The following DNAJC1 variants were observed in gnomAD, a reference collection of about 807,000 sequenced individuals.
The protein encoded by DNAJC1 is dnaJ homolog subfamily C member 1.
A neutral mutation model predicts 76.6 loss-of-function variants in DNAJC1; 58 were observed. That is an observed-to-expected ratio of 0.76 (90% CI 0.61 to 0.94). The LOEUF (loss-of-function observed/expected upper bound fraction) is 0.94, where lower values mean the gene tolerates loss of function less well. Ranked by LOEUF, DNAJC1 falls within the 40% of genes least tolerant of loss-of-function variation. DNAJC1 has a pLI of 0.00. For missense variants in DNAJC1, 689 were observed against 677.3 expected, an observed-to-expected ratio of 1.02 and a Z score of -0.19; for synonymous variants, 258 against 267.9, an observed-to-expected ratio of 0.96 and a Z score of 0.36.
At chr10:21,777,083 G>A (rs1834461845) in intron 9 of DNAJC1, among the ~76,000 whole-genome samples, 1 of 152,140 alleles carries the variant, frequency 6.6e-6, no homozygotes, top group Admixed American at 6.5e-5. Context: ...ATGCTTACTA[G>A]GCAGTATGAT....
At chr10:21,807,841 C>T (rs955039032) in intron 8 of DNAJC1, among the ~76,000 whole-genome samples, 3 of 152,152 alleles carry the variant, frequency 2.0e-5, no homozygotes, top group Admixed American at 2.0e-4. Flanking sequence ...AAATCCAATT[C>T]TTCATATCAG....
At position 21,782,040 on chromosome 10, in the gene DNAJC1, G is replaced by A. The variant is rs186778075; in HGVS notation, c.1099-15731C>T. Among the ~76,000 whole-genome samples the A allele has an allele frequency of 7.6e-4, 116 of 152,178 alleles. 2 individuals carry two copies. In the East Asian group the frequency reaches 0.022, roughly 29 times the overall value. On this transcript the variant is annotated intron_variant, in intron 9 of 11. Coordinates refer to ENST00000376980, the MANE Select transcript of DNAJC1 (RefSeq NM_022365.4). Reference sequence around the variant, plus strand: ...CTAGCAGAAGGCAAGAAATAACTAAGATCAGAGCAGAACTGAAGGAGATAG... The same window carrying A: ...CTAGCAGAAGGCAAGAAATAACTAAAATCAGAGCAGAACTGAAGGAGATAG...
chr10:21,995,693 C>T (rs1838404795), intron 1 of DNAJC1, among the ~76,000 whole-genome samples: 1 of 152,214 alleles, frequency 6.6e-6, no homozygotes, highest in South Asian at 2.1e-4. Context: ...GTTTTATACA[C>T]ATATTCTAAC....
intron 6 of DNAJC1, among the ~76,000 whole-genome samples, chr10:21,913,008 T>C (rs1038647595): frequency 6.8e-6 from 1 of 147,620 alleles, no homozygotes; most frequent in Non-Finnish European, 1.5e-5. Context: ...TTTTTTTAGG[T>C]AAAAGCCAGA....
chr10:21,955,202 G>A (rs1055557441), intron 1 of DNAJC1, among the ~76,000 whole-genome samples: 5 of 152,126 alleles, frequency 3.3e-5, no homozygotes, highest in African/African-American at 1.2e-4. Flanking sequence ...TAACATTGCA[G>A]GAACAAATGA....
intron 8 of DNAJC1, among the ~76,000 whole-genome samples, chr10:21,817,331 A>C (rs1835092846): frequency 1.3e-5 from 2 of 152,064 alleles, no homozygotes; most frequent in Admixed American, 1.3e-4. Context: ...ATTACACATA[A>C]ATGTTTACAT....
In DNAJC1 at chr10:22,003,687, A is replaced by C; in HGVS notation, c.-253T>G. The C allele has an allele frequency of 2.6e-6, 1 of 387,256 alleles. No homozygotes were observed. Among genetic ancestry groups the C allele is most frequent in the Non-Finnish European group, 4.5e-6 (1 of 223,566 alleles). The allele number at this position is 387,256 out of a possible 1,614,324, so 24.0% of individuals were successfully genotyped here. A position where few individuals can be genotyped will look rare whatever the true frequency, so the allele number is the denominator to read the frequency against. On this transcript the variant is annotated 5_prime_UTR_variant, in exon 1 of 12. Transcript: ENST00000376980. Reference sequence around the variant, plus strand: ...TCCGAAGACCCTCGCCCCCAGGCCTACACACAGCTGTAGAGGCAGCGCCCG... The same window carrying C: ...TCCGAAGACCCTCGCCCCCAGGCCTCCACACAGCTGTAGAGGCAGCGCCCG...
At chr10:21,966,012 G>A (rs1399546350) in intron 1 of DNAJC1, among the ~76,000 whole-genome samples, 1 of 152,138 alleles carries the variant, frequency 6.6e-6, no homozygotes, top group African/African-American at 2.4e-5. Flanking sequence ...TCCAATTTGT[G>A]ACAGTTCTTC....
intron 1 of DNAJC1, among the ~76,000 whole-genome samples, chr10:21,955,743 G>A (rs1837668936): frequency 6.6e-6 from 1 of 151,892 alleles, no homozygotes; most frequent in Non-Finnish European, 1.5e-5. Context: ...CCAAATTTTA[G>A]GAAAAGCATT....
chr10:21,967,322 C>G (rs1282645964), intron 1 of DNAJC1, among the ~76,000 whole-genome samples: 1 of 152,080 alleles, frequency 6.6e-6, no homozygotes, highest in Non-Finnish European at 1.5e-5. Flanking sequence ...TTTCATTTAG[C>G]ACAATGTTTT....
intron 1 of DNAJC1, 29 bp from the exon 2 acceptor site, chr10:21,929,170 C>T: frequency 6.7e-7 from 1 of 1,496,578 alleles, no homozygotes; most frequent in South Asian, 1.2e-5. Flanking sequence ...GGGGAAAATA[C>T]AAAGCAAACT....
At chr10:21,929,826 T>C (rs1312414289) in intron 1 of DNAJC1, among the ~76,000 whole-genome samples, 1 of 152,218 alleles carries the variant, frequency 6.6e-6, no homozygotes, top group African/African-American at 2.4e-5. Context: ...TTTAAATATA[T>C]TTAAAAGGTT....
intron 1 of DNAJC1, among the ~76,000 whole-genome samples, chr10:21,963,145 A>G (rs989403556): frequency 3.3e-5 from 5 of 152,212 alleles, no homozygotes; most frequent in African/African-American, 1.2e-4. Flanking sequence ...GTAAAAGTCA[A>G]TTTAATCAAA....
At chr10:21,916,413 C>T (rs1405007605) in intron 6 of DNAJC1, among the ~76,000 whole-genome samples, 1 of 152,026 alleles carries the variant, frequency 6.6e-6, no homozygotes. Context: ...GGCGTGAACC[C>T]GGGAGGCGGA....
At chr10:21,987,695 T>G (rs1838268820) in intron 1 of DNAJC1, among the ~76,000 whole-genome samples, 1 of 152,218 alleles carries the variant, frequency 6.6e-6, no homozygotes, top group African/African-American at 2.4e-5. Flanking sequence ...TCCATATGAT[T>G]TATCTCATAA....
Position 21,918,830 on chromosome 10 carries a change from T to C in DNAJC1, c.678A>G (p.Lys226=), listed in dbSNP as rs915364427. Residue 226 remains lysine (K), a synonymous_variant, in exon 6 of 12, where the codon AAA becomes AAG. Transcript: ENST00000376980. ...GTGTAAGGCAAAACCAAATCCCCAG[T>C]TTGCATGGAAGCAAATCATGCCACT... ...KPQWHDLLPC[K]LGIWFCLTLK... 1.9e-6 allele frequency: 3 copies of C among 1,613,116 alleles called. No individual in the cohort carries two copies. Among genetic ancestry groups the C allele is most frequent in the Non-Finnish European group, 2.5e-6 (3 of 1,179,402 alleles).
intron 6 of DNAJC1, among the ~76,000 whole-genome samples, chr10:21,916,884 T>C (rs750513240): frequency 6.6e-6 from 1 of 152,094 alleles, no homozygotes; most frequent in Non-Finnish European, 1.5e-5. Context: ...ATTTTGTTAG[T>C]GACCACTAGA....
rs369407675 is a variant in DNAJC1, at chr10:21,932,663, A to G, written c.223-3522T>C. On this transcript the variant is annotated intron_variant, in intron 1 of 11. Transcript: ENST00000376980. ...ACCTTGTTCTCAAAGAGCTGTGGTT[A>G]TTTTGTTTTGACCTCTCTGTTGGCT... is the stretch of plus-strand genomic sequence containing the variant. Among the ~76,000 whole-genome samples the G allele has an allele frequency of 2.6e-5, 4 of 152,240 alleles. No homozygotes were observed. In the East Asian group the frequency reaches 7.7e-4, roughly 29 times the overall value.
intron 8 of DNAJC1, among the ~76,000 whole-genome samples, chr10:21,878,151 G>C (rs2131717396): frequency 6.6e-6 from 1 of 152,202 alleles, no homozygotes; most frequent in Middle Eastern, 3.4e-3. Flanking sequence ...ATCACTAGTG[G>C]TACTTTCCAT....
Sources: gnomAD v4.1 joint callset for allele counts (sites outside exome capture counted in the v4.1 genomes callset) on GRCh38, gnomAD v4.1.1 for gene constraint, MANE v1.5 for transcripts, NCBI Gene and HGNC (gene_info 2026-07-23, HGNC 2026-07-21) for gene names.